The following TBXAS1 variants were observed in gnomAD, a reference collection of about 807,000 sequenced individuals.
The protein encoded by TBXAS1 is thromboxane-A synthase.
In TBXAS1, 48 loss-of-function variants were observed where a neutral mutation model predicts 60.7. The observed-to-expected ratio is 0.79, with a 90% CI of 0.63 to 1.01. TBXAS1 has a LOEUF of 1.01. Ranked by LOEUF, TBXAS1 falls within the 50% of genes least tolerant of loss-of-function variation. The probability of loss-of-function intolerance (pLI) is 0.00; values close to 1 mark genes in which losing one functional copy is unlikely to be tolerated. For synonymous variants in TBXAS1, 287 were observed against 269.7 expected (o/e 1.06, Z -0.63); for missense variants, 685 against 686.3 (o/e 1.00, Z 0.02).
chr7:139,923,496 A>G (rs773964643), intron 4 of TBXAS1, among the ~76,000 whole-genome samples: 8 of 151,880 alleles, frequency 5.3e-5, no homozygotes, highest in Non-Finnish European at 8.8e-5. Context: ...TTTATGGGGT[A>G]TATGAAATAT....
At chr7:139,923,093 G>T (rs1369257624) in intron 4 of TBXAS1, among the ~76,000 whole-genome samples, 1 of 152,154 alleles carries the variant, frequency 6.6e-6, no homozygotes, top group Non-Finnish European at 1.5e-5. Context: ...CAAGGTGGGG[G>T]AATTGTTTGA....
At chr7:139,806,768 C>G (rs1456721351) in intron 4 of TBXAS1, among the ~76,000 whole-genome samples, 1 of 152,130 alleles carries the variant, frequency 6.6e-6, no homozygotes, top group Non-Finnish European at 1.5e-5. Flanking sequence ...TCTCATCTGT[C>G]TGCACCTTGA....
At chr7:139,922,106 T>C (rs1285526435) in intron 4 of TBXAS1, among the ~76,000 whole-genome samples, 3 of 151,240 alleles carry the variant, frequency 2.0e-5, no homozygotes, top group Non-Finnish European at 4.4e-5. Flanking sequence ...TTTCTTTTTT[T>C]TTTTTTTTCC....
intron 4 of TBXAS1, among the ~76,000 whole-genome samples, chr7:139,802,182 A>C (rs1797739328): frequency 6.6e-6 from 1 of 152,168 alleles, no homozygotes; most frequent in African/African-American, 2.4e-5. Flanking sequence ...TGTAGTTTAA[A>C]TATTGTTTTA....
At chr7:139,912,079 A>T (rs1421573025) in intron 4 of TBXAS1, among the ~76,000 whole-genome samples, 3 of 152,132 alleles carry the variant, frequency 2.0e-5, no homozygotes, top group Non-Finnish European at 4.4e-5. Context: ...AAATTACAAA[A>T]ATTAGCCGGG....
chr7:139,921,357 G>C (rs566320483), intron 4 of TBXAS1, among the ~76,000 whole-genome samples: 124 of 152,192 alleles, frequency 8.1e-4, no homozygotes, highest in Non-Finnish European at 1.6e-3. Flanking sequence ...TTTTGTTCTG[G>C]CATCTTTTGC....
intron 9 of TBXAS1, 52 bp downstream of exon 9, chr7:139,962,285 T>C (rs754801517): frequency 1.2e-5 from 20 of 1,606,538 alleles, no homozygotes; most frequent in Admixed American, 1.7e-5. Flanking sequence ...GGACAATTGA[T>C]TTTGTGTTTG....
At chr7:139,814,567 T>A (rs1798101631) in intron 4 of TBXAS1, among the ~76,000 whole-genome samples, 1 of 152,116 alleles carries the variant, frequency 6.6e-6, no homozygotes, top group African/African-American at 2.4e-5. Flanking sequence ...TGGGAAAATA[T>A]AGTTCTCTGG....
rs369528769 is a variant in TBXAS1 at position 139,833,047 on chromosome 7, C to T, written c.89+3568C>T. Among the ~76,000 whole-genome samples, 24 of 152,108 alleles carry T rather than the reference C, an allele frequency of 1.6e-4. No homozygotes were observed. In the South Asian group the frequency reaches 1.9e-3, roughly 12 times the overall value. On this transcript the variant is annotated intron_variant, in intron 1 of 12. Transcript: ENST00000448866. ...ACACAGGACCCATAAAACAAAAATA[C>T]GAGCTAAAAAGCAAAAGCAAAAAAC... is the stretch of plus-strand genomic sequence containing the variant.
chr7:139,842,742 C>T (rs1258476571), intron 1 of TBXAS1, among the ~76,000 whole-genome samples: 1 of 152,226 alleles, frequency 6.6e-6, no homozygotes, highest in African/African-American at 2.4e-5. Context: ...TCAGCCTCAG[C>T]CCTCAGTGCA....
chr7:139,785,481 G>GTTA (rs1418758385), intron 3 of TBXAS1, among the ~76,000 whole-genome samples: 1 of 148,516 alleles, frequency 6.7e-6, no homozygotes, highest in East Asian at 1.9e-4. Flanking sequence ...TGTTGTTGTT[G>GTTA]TTGTTGTTTT....
intron 3 of TBXAS1, among the ~76,000 whole-genome samples, chr7:139,897,215 C>T (rs1339453409): frequency 6.6e-6 from 1 of 151,912 alleles, no homozygotes; most frequent in Non-Finnish European, 1.5e-5. Flanking sequence ...AGGAGTCAAC[C>T]AGGCAAGAAA....
chr7:139,818,779 G>A (rs916570003), intron 4 of TBXAS1, among the ~76,000 whole-genome samples: 1 of 152,180 alleles, frequency 6.6e-6, no homozygotes, highest in African/African-American at 2.4e-5. Flanking sequence ...CAGCTGGGCT[G>A]GTGAGATGAA....
intron 9 of TBXAS1, among the ~76,000 whole-genome samples, chr7:139,968,813 C>G (rs561290056): frequency 1.3e-5 from 2 of 152,284 alleles, no homozygotes; most frequent in African/African-American, 4.8e-5. Flanking sequence ...GTAGTACGTT[C>G]AGTAAATTCA....
At chr7:139,792,078 T>G (rs1005764202) in intron 4 of TBXAS1, among the ~76,000 whole-genome samples, 2 of 152,218 alleles carry the variant, frequency 1.3e-5, no homozygotes, top group African/African-American at 4.8e-5. Flanking sequence ...GCAAGTTATC[T>G]CCACATTAAA....
intron 4 of TBXAS1, among the ~76,000 whole-genome samples, chr7:139,807,437 G>A (rs1166969326): frequency 9.9e-5 from 15 of 151,970 alleles, no homozygotes; most frequent in African/African-American, 3.6e-4. Flanking sequence ...AGGCTGGAGT[G>A]TAGTGGCGCA....
intron 1 of TBXAS1, among the ~76,000 whole-genome samples, chr7:139,837,456 G>A (rs1176672764): frequency 6.6e-6 from 1 of 152,186 alleles, no homozygotes; most frequent in Non-Finnish European, 1.5e-5. Context: ...TGTGGTATAT[G>A]TATATGATGG....
At chr7:139,862,690 A>G (rs1801055491) in intron 1 of TBXAS1, among the ~76,000 whole-genome samples, 1 of 152,260 alleles carries the variant, frequency 6.6e-6, no homozygotes, top group South Asian at 2.1e-4. Context: ...TCAATGCAAC[A>G]GGAAGGAACA....
intron 1 of TBXAS1, among the ~76,000 whole-genome samples, chr7:139,839,037 C>G (rs2116554332): frequency 6.6e-6 from 1 of 152,212 alleles, no homozygotes; most frequent in Middle Eastern, 3.4e-3. Flanking sequence ...ACCGTAAGTC[C>G]TAGCGTATTT....
Sources: allele counts gnomAD v4.1 joint callset (sites outside exome capture counted in the v4.1 genomes callset), GRCh38; gene constraint gnomAD v4.1.1; transcripts MANE v1.5; gene names NCBI Gene and HGNC (gene_info 2026-07-23, HGNC 2026-07-21).